Variants in HNF4A observed in about 807,000 individuals in gnomAD.
The protein encoded by HNF4A is hepatocyte nuclear factor 4 alpha.
HNF4A carries 15 observed loss-of-function variants against 52.4 expected under a neutral mutation model. The ratio of observed to expected loss-of-function variants is 0.29; its 90% CI spans 0.19 to 0.44. HNF4A has a LOEUF of 0.44. HNF4A is among the 20% of genes least tolerant of loss of function. The pLI is 1.00. For missense variants in HNF4A, 479 were observed against 647.2 expected, an observed-to-expected ratio of 0.74 and a Z score of 2.82; for synonymous variants, 280 against 264.4, an observed-to-expected ratio of 1.06 and a Z score of -0.57.
At chr20:44,373,625 C>A (rs1410198867) in intron 1 of HNF4A, among the ~76,000 whole-genome samples, 5 of 152,076 alleles carry the variant, frequency 3.3e-5, no homozygotes, top group African/African-American at 9.7e-5. Context: ...ACGTGGGGTC[C>A]AACATGAGGT....
At chr20:44,401,037 C>T (rs1034057349), upstream of HNF4A, among the ~76,000 whole-genome samples, 30 of 152,088 alleles carry the variant, frequency 2.0e-4, 1 homozygote, top group African/African-American at 7.2e-4. Context: ...CTGCCTTGTA[C>T]AATTGATAAC....
Position 44,430,201 on chromosome 20 carries a change from A to C in HNF4A, c.*536A>C. ...CAGCCATCCCGTCTTCTCCAACACC[A>C]CCTCTCCAGAGGCCAAGGAGGCCTT... On this transcript the variant is annotated 3_prime_UTR_variant, in exon 10 of 10. Coordinates refer to ENST00000316099, the MANE Select transcript of HNF4A (RefSeq NM_000457.6). 1 of 153,590 alleles carries C rather than the reference A, an allele frequency of 6.5e-6. No individual in the cohort carries two copies. Among genetic ancestry groups the C allele is most frequent in the Non-Finnish European group, 1.4e-5 (1 of 69,472 alleles). 9.5% of individuals were successfully genotyped at this position (153,590 alleles called of 1,614,324 possible).
At position 44,429,706 on chromosome 20, in the gene HNF4A, C is replaced by A. The variant is rs763229129; in HGVS notation, c.*41C>A. The A allele has an allele frequency of 1.2e-6, 2 of 1,605,712 alleles. No individual in the cohort carries two copies. Among genetic ancestry groups the A allele is most frequent in the African/African-American group, 1.3e-5 (1 of 74,832 alleles). ...TGGGGGCTCCACTGGCTCCCCCCAG[C>A]CCCCTAAGAGAGCACCTGGTGATCA... is the stretch of plus-strand genomic sequence containing the variant. On this transcript the variant is annotated 3_prime_UTR_variant, in exon 10 of 10. Coordinates refer to ENST00000316099, the MANE Select transcript of HNF4A (RefSeq NM_000457.6).
chr20:44,394,788 G>A (rs1228766789), intron 1 of HNF4A, among the ~76,000 whole-genome samples: 2 of 152,344 alleles, frequency 1.3e-5, no homozygotes, highest in African/African-American at 4.8e-5. Context: ...GCCCACCCAG[G>A]CCTTTTCAGG....
At position 44,369,830 on chromosome 20, in the gene HNF4A, T is replaced by C. The variant is rs573362455; in HGVS notation, c.49+13977T>C. ...TGTATTTTTAATAGAGTCAGGGTTT[T>C]ACCATGTTGCCAGGCTGGTCTCAAA... is the stretch of plus-strand genomic sequence containing the variant. On this transcript the variant is annotated intron_variant, in intron 1 of 9. Coordinates refer to the HNF4A transcript ENST00000316673. Among the ~76,000 whole-genome samples, 5 of 152,024 alleles carry C rather than the reference T, an allele frequency of 3.3e-5. No individual in the cohort carries two copies. In the South Asian group the frequency reaches 1.0e-3, roughly 32 times the overall value.
chr20:44,363,258 A>C (rs1473443230), intron 1 of HNF4A, among the ~76,000 whole-genome samples: 1 of 152,138 alleles, frequency 6.6e-6, no homozygotes, highest in Admixed American at 6.6e-5. Flanking sequence ...CAATATTTGT[A>C]AAGTGCTGAG....
intron 1 of HNF4A, among the ~76,000 whole-genome samples, chr20:44,359,419 T>TC (rs1464174173): frequency 6.6e-6 from 1 of 152,126 alleles, no homozygotes; most frequent in Non-Finnish European, 1.5e-5. Context: ...AAGCAAAACT[T>TC]CCCCAGAAAC....
chr20:44,368,211 G>C (rs2062994552), intron 1 of HNF4A, among the ~76,000 whole-genome samples: 1 of 124,040 alleles, frequency 8.1e-6, no homozygotes, highest in East Asian at 2.6e-4. Flanking sequence ...CTGTGGCCCA[G>C]GCTGGAGTGC....
At position 44,418,504 on chromosome 20, in the gene HNF4A, T is replaced by C; in HGVS notation, c.728T>C (p.Leu243Pro). 1 of 1,612,066 alleles carries C rather than the reference T, an allele frequency of 6.2e-7. No individual in the cohort carries two copies. Among genetic ancestry groups the C allele is most frequent in the Non-Finnish European group, 8.5e-7 (1 of 1,179,568 alleles). The change falls in exon 6 of 10, where the codon CTG becomes CCG. Residue 243 changes from leucine (L) to proline (P), a missense_variant. This residue lies in a region of HNF4A where 389 missense variants were observed against 525.1 expected (regional missense o/e 0.74). Coordinates refer to ENST00000316099, the MANE Select transcript of HNF4A (RefSeq NM_000457.6). ...AGATCCATGGTGTTCAAGGACGTGC[T>C]GCTCCTAGGTGAGGCGGCTGCCTGC...
chr20:44,415,859 C>G (rs1333442196), intron 5 of HNF4A, among the ~76,000 whole-genome samples: 1 of 152,122 alleles, frequency 6.6e-6, no homozygotes, highest in Non-Finnish European at 1.5e-5. Context: ...TTAGCAGAGT[C>G]GACAGGGCAA....
intron 7 of HNF4A, among the ~76,000 whole-genome samples, chr20:44,422,758 C>A (rs191285270): frequency 2.6e-5 from 4 of 151,158 alleles, no homozygotes; most frequent in African/African-American, 7.3e-5. Flanking sequence ...TGGCTCACTG[C>A]GACCTCCACC....
rs2146305258 is a variant in HNF4A at position 44,391,842 on chromosome 20, G to T, written c.50-14216G>T. On this transcript the variant is annotated intron_variant, in intron 1 of 9. Transcript: ENST00000316673. ...TAAGGGATGTGGTTCCCCATAGTGA[G>T]GAAGTCAAGGAGAACAGGTGAACAG... Among the ~76,000 whole-genome samples, 4 of 152,316 alleles carry T rather than the reference G, an allele frequency of 2.6e-5. No homozygotes were observed. In the South Asian group the frequency reaches 8.3e-4, roughly 32 times the overall value.
chr20:44,411,917 C>T (rs2063589626), intron 3 of HNF4A, among the ~76,000 whole-genome samples: 1 of 151,458 alleles, frequency 6.6e-6, no homozygotes, highest in Non-Finnish European at 1.5e-5. Context: ...TTTAGCCAGG[C>T]GTGGTGGCAC....
intron 1 of HNF4A, among the ~76,000 whole-genome samples, chr20:44,371,827 A>G (rs1409649697): frequency 2.0e-5 from 3 of 152,118 alleles, no homozygotes; most frequent in African/African-American, 7.2e-5. Flanking sequence ...TGTCAAAAAA[A>G]TAAATTAAAG....
chr20:44,421,523 G>A (rs1225645700), intron 7 of HNF4A, among the ~76,000 whole-genome samples: 1 of 152,038 alleles, frequency 6.6e-6, no homozygotes, highest in Admixed American at 6.6e-5. Flanking sequence ...GGAGACTGAG[G>A]CAGGCAGATT....
At chr20:44,373,720 C>A (rs1000816488) in intron 1 of HNF4A, among the ~76,000 whole-genome samples, 2 of 151,906 alleles carry the variant, frequency 1.3e-5, no homozygotes, top group African/African-American at 2.4e-5. Context: ...CAGAGACAGT[C>A]TTGCTCCATT....
At chr20:44,382,383 TG>T (rs2063166379) in intron 1 of HNF4A, among the ~76,000 whole-genome samples, 1 of 151,956 alleles carries the variant, frequency 6.6e-6, no homozygotes, top group East Asian at 1.9e-4. Context: ...GGACTACAGG[TG>T]CGTACCACTA....
chr20:44,406,779 C>A (rs1419754004), intron 2 of HNF4A, among the ~76,000 whole-genome samples: 2 of 152,234 alleles, frequency 1.3e-5, no homozygotes, highest in African/African-American at 4.8e-5. Context: ...TGTGCCCCAT[C>A]GGCGCATGAC....
chr20:44,406,340 G>A (rs2063500501), intron 2 of HNF4A, 108 bp downstream of exon 2: 9 of 912,530 alleles, frequency 9.9e-6, no homozygotes, highest in Non-Finnish European at 1.4e-5. Context: ...CTGCCCTTCA[G>A]GGCCTTCAAG....
Sources: gnomAD v4.1 joint callset for allele counts (sites outside exome capture counted in the v4.1 genomes callset) on GRCh38, gnomAD v4.1.1 for gene constraint, gnomAD v4.1.1 regional missense constraint, MANE v1.5 for transcripts, NCBI Gene and HGNC (gene_info 2026-07-23, HGNC 2026-07-21) for gene names.